Variants in PPIP5K2 observed in about 807,000 individuals in gnomAD.
The protein encoded by PPIP5K2 is diphosphoinositol pentakisphosphate kinase 2, also known as inositol hexakisphosphate and diphosphoinositol-pentakisphosphate kinase 2.
In PPIP5K2, 105 loss-of-function variants were observed where a neutral mutation model predicts 154.6. The ratio of observed to expected loss-of-function variants is 0.68; its 90% CI spans 0.58 to 0.80. The LOEUF (loss-of-function observed/expected upper bound fraction) is 0.80, where lower values mean the gene tolerates loss of function less well. PPIP5K2 is among the 30% of genes least tolerant of loss of function. The pLI is 0.00. For synonymous variants in PPIP5K2, 480 were observed against 490.3 expected (o/e 0.98, Z 0.28); for missense variants, 992 against 1,504.6 (o/e 0.66, Z 5.64).
In PPIP5K2 at chr5:103,186,425, C is replaced by T; in HGVS notation, c.3275C>T (p.Ser1092Phe). ...ARTHRKKLTS[S>F]GCIDDATRGS... ...ACTCATCGTAAAAAGCTGACCTCTT[C>T]TGGCTGCATAGATGGTATGTGCACA... The change falls in exon 27 of 31, where the codon TCT becomes TTT. Residue 1092 changes from serine (S) to phenylalanine (F), a missense_variant. This residue lies in a region of PPIP5K2 where 204 missense variants were observed against 224.0 expected (regional missense o/e 0.91). Coordinates refer to ENST00000358359, the MANE Select transcript of PPIP5K2 (RefSeq NM_001276277.3). The T allele has an allele frequency of 1.9e-6, 3 of 1,613,944 alleles. No homozygotes were observed. The highest frequency in any genetic ancestry group is 2.5e-6 in the Non-Finnish European group (3 of 1,179,858).
intron 5 of PPIP5K2, among the ~76,000 whole-genome samples, chr5:103,141,285 G>C (rs1792587568): frequency 6.6e-6 from 1 of 152,124 alleles, no homozygotes; most frequent in East Asian, 1.9e-4. Context: ...CCGATGTTCA[G>C]ATGTGTTTGG....
rs1293393159 is a variant in PPIP5K2, at chr5:103,203,469, G to A, written c.*1835G>A. On this transcript the variant is annotated 3_prime_UTR_variant, in exon 31 of 31. Coordinates refer to ENST00000358359, the MANE Select transcript of PPIP5K2 (RefSeq NM_001276277.3). Reference sequence around the variant, plus strand: ...GCTCTGTAGACTAGACACTCTATTTGTAAAAATCTTAGAATCACTTTCCAA... The same window carrying A: ...GCTCTGTAGACTAGACACTCTATTTATAAAAATCTTAGAATCACTTTCCAA... The A allele has an allele frequency of 4.6e-5, 7 of 152,092 alleles. No individual in the cohort carries two copies. The highest frequency in any genetic ancestry group is 7.2e-5 in the African/African-American group (3 of 41,418). 9.4% of individuals were successfully genotyped at this position (152,092 alleles called of 1,614,324 possible).
At position 103,190,862 on chromosome 5, in the gene PPIP5K2, G is replaced by A. The variant is rs1801125529; in HGVS notation, c.3373G>A (p.Val1125Met). 6.3e-7 allele frequency: 1 copy of A among 1,593,306 alleles called. No homozygotes were observed. Among genetic ancestry groups the A allele is most frequent in the South Asian group, 1.1e-5 (1 of 87,448 alleles). ...TCTAGGCTTTGAATTGTATTCCATGGTGCCATCTATTTGTCCTCTAGAAAC... is the reference window on the plus strand; with the variant it reads ...TCTAGGCTTTGAATTGTATTCCATGATGCCATCTATTTGTCCTCTAGAAAC... ...PTNGFELYSM[V>M]PSICPLETLH... The change falls in exon 29 of 31, where the codon GTG becomes ATG. Residue 1125 changes from valine to methionine, a missense_variant. Val to Met is a conservative substitution (Grantham distance 21). Around this residue, in one of 9 missense-constraint regions of PPIP5K2, gnomAD observed 29 missense variants for 56.4 expected, o/e 0.51. Coordinates refer to ENST00000358359, the MANE Select transcript of PPIP5K2 (RefSeq NM_001276277.3).
chr5:103,175,874 A>T (rs1798623154), intron 21 of PPIP5K2, among the ~76,000 whole-genome samples: 1 of 152,052 alleles, frequency 6.6e-6, no homozygotes, highest in Non-Finnish European at 1.5e-5. Flanking sequence ...CAGTGCTTCC[A>T]GGGGGAAAAA....
intron 1 of PPIP5K2, among the ~76,000 whole-genome samples, chr5:103,124,046 C>T (rs934629885): frequency 5.0e-4 from 76 of 152,014 alleles, no homozygotes; most frequent in African/African-American, 1.6e-3. Context: ...TTTGGGAGGC[C>T]GAGGCGGGAG....
chr5:103,145,982 C>T (rs1270533801), intron 5 of PPIP5K2, among the ~76,000 whole-genome samples: 2 of 151,934 alleles, frequency 1.3e-5, no homozygotes, highest in Non-Finnish European at 2.9e-5. Context: ...CAGAATTTCA[C>T]GTGGACCACA....
At chr5:103,155,444 T>TTTTTTTTG (rs1795272918) in intron 13 of PPIP5K2, among the ~76,000 whole-genome samples, 2 of 128,234 alleles carry the variant, frequency 1.6e-5, no homozygotes, top group Non-Finnish European at 3.2e-5. Context: ...TTTTTTTTTT[T>TTTTTTTTG]GAGACAGGGT....
rs782221801 is a variant in PPIP5K2, at chr5:103,201,590, A to C, written c.3688A>C (p.Thr1230Pro). 10 of 1,611,138 alleles carry C rather than the reference A, an allele frequency of 6.2e-6. No homozygotes were observed. Among genetic ancestry groups the C allele is most frequent in the Non-Finnish European group, 2.5e-6 (3 of 1,178,664 alleles). Residue 1230 changes from threonine to proline, a missense_variant, in exon 31 of 31, where the codon ACA (threonine) becomes CCA (proline). Physicochemically the swap from Thr to Pro is conservative, Grantham distance 38. Coordinates refer to ENST00000358359, the MANE Select transcript of PPIP5K2 (RefSeq NM_001276277.3). ...TCGGAAAAAGAATATAACTAGCAAA[A>C]CAGAAACGCATGAACACAAAAAAAA... ...SSRKKNITSKTETHEHKKNTG... is the reference protein window; with the variant it reads ...SSRKKNITSKPETHEHKKNTG...
At chr5:103,190,159 C>T (rs542576598) in intron 28 of PPIP5K2, among the ~76,000 whole-genome samples, 46 of 152,034 alleles carry the variant, frequency 3.0e-4, no homozygotes, top group African/African-American at 9.9e-4. Flanking sequence ...ATGATTGTTT[C>T]ATAAAATTTT....
chr5:103,163,983 C>G (rs1479908178), intron 17 of PPIP5K2, among the ~76,000 whole-genome samples: 3 of 151,794 alleles, frequency 2.0e-5, no homozygotes, highest in African/African-American at 7.2e-5. Context: ...GGAATGCTTC[C>G]TATTTGAGGA....
intron 30 of PPIP5K2, 42 bp downstream of exon 30, chr5:103,195,067 TTAGAGGAATAG>T: frequency 1.3e-6 from 2 of 1,592,882 alleles, no homozygotes; most frequent in Non-Finnish European, 1.7e-6. Context: ...TGCACAGAAA[TTAGAGGAATAG>T]TAACTTGCTT....
chr5:103,194,159 C>T (rs971499795), intron 29 of PPIP5K2, among the ~76,000 whole-genome samples: 1 of 151,768 alleles, frequency 6.6e-6, no homozygotes, highest in Admixed American at 6.6e-5. Flanking sequence ...CAGTTTGAGA[C>T]TCTGTCTCTT....
intron 2 of PPIP5K2, among the ~76,000 whole-genome samples, chr5:103,131,499 GA>G (rs2149462991): frequency 6.6e-6 from 1 of 152,170 alleles, no homozygotes; most frequent in Admixed American, 6.5e-5. Flanking sequence ...CATGGATATG[GA>G]GGGCCAACTG....
chr5:103,183,220 T>G lies in PPIP5K2; in HGVS notation c.2923-14T>G. ...TTTTTTTTTTTTTTTTTTTGCCCCC[T>G]TTCTCACTTCCAGGAAGAGAGCCCC... On this transcript the variant is annotated splice_polypyrimidine_tract_variant and intron_variant, in intron 24 of 30. Transcript: ENST00000358359. 1 of 317,284 alleles carries G rather than the reference T, an allele frequency of 3.2e-6. No individual in the cohort carries two copies. The highest frequency in any genetic ancestry group is 5.6e-6 in the Non-Finnish European group (1 of 178,568). The allele number at this position is 317,284 out of a possible 1,614,324, so 19.7% of individuals were successfully genotyped here.
chr5:103,169,556 C>G (rs1797642348), intron 19 of PPIP5K2, among the ~76,000 whole-genome samples: 1 of 151,636 alleles, frequency 6.6e-6, no homozygotes, highest in Non-Finnish European at 1.5e-5. Context: ...TAACAATTAG[C>G]TTGTTTCTTC....
At chr5:103,166,147 G>A (rs554473025) in intron 17 of PPIP5K2, among the ~76,000 whole-genome samples, 6 of 152,208 alleles carry the variant, frequency 3.9e-5, no homozygotes, top group South Asian at 4.1e-4. Flanking sequence ...AAGCAGACTG[G>A]TCAAGAGCAG....
intron 19 of PPIP5K2, among the ~76,000 whole-genome samples, chr5:103,169,911 G>A (rs1455899499): frequency 6.6e-6 from 1 of 151,632 alleles, no homozygotes; most frequent in African/African-American, 2.4e-5. Flanking sequence ...ACTTTTCAAG[G>A]TGGGCTGTCA....
In PPIP5K2 at chr5:103,186,291, G is replaced by C. The variant is rs1554224962; in HGVS notation, c.3170-29G>C. ...CAATGTGAATGGAAGAACACCCGTT[G>C]TGTATGTATTTTCTCTAACTCCCAT... On this transcript the variant is annotated intron_variant, in intron 26 of 30. Coordinates refer to ENST00000358359, the MANE Select transcript of PPIP5K2 (RefSeq NM_001276277.3). 3.7e-6 allele frequency: 6 copies of C among 1,612,860 alleles called. No homozygotes were observed. In the South Asian group the frequency reaches 5.5e-5, roughly 15 times the overall value.
rs753965336 is a variant in PPIP5K2 at position 103,205,221 on chromosome 5, A to G, written c.*3587A>G. ...GTATTCCATGGTGTATATGTGCCAC[A>G]TTTTCTTAATCCAGTCTATCATTGA... On this transcript the variant is annotated 3_prime_UTR_variant, in exon 31 of 31. Coordinates refer to ENST00000358359, the MANE Select transcript of PPIP5K2 (RefSeq NM_001276277.3). The G allele has an allele frequency of 6.6e-6, 1 of 151,938 alleles. No individual in the cohort carries two copies. Among genetic ancestry groups the G allele is most frequent in the Non-Finnish European group, 1.5e-5 (1 of 68,008 alleles). The allele number at this position is 151,938 out of a possible 1,614,324, so 9.4% of individuals were successfully genotyped here.
Sources: gnomAD v4.1 joint callset for allele counts (sites outside exome capture counted in the v4.1 genomes callset) on GRCh38, gnomAD v4.1.1 for gene constraint, gnomAD v4.1.1 regional missense constraint, MANE v1.5 for transcripts, NCBI Gene and HGNC (gene_info 2026-07-23, HGNC 2026-07-21) for gene names.